MCUB: variants seen among roughly 807,000 people sequenced by gnomAD.
MCUB encodes calcium uniporter regulatory subunit MCUb, mitochondrial.
MCUB carries 46 observed loss-of-function variants against 41.4 expected under a neutral mutation model. The observed-to-expected ratio is 1.11, with a 90% confidence interval of 0.88 to 1.42. The LOEUF is 1.42. Among genes scored for constraint, MCUB ranks in the 40% most tolerant of loss-of-function variants. The pLI, the probability that MCUB is intolerant of heterozygous loss-of-function variation, is 0.00. For missense variants in MCUB, 403 were observed against 404.9 expected (o/e 1.00, Z 0.04); for synonymous variants, 148 against 148.2 (o/e 1.00, Z 0.01).
chr4:109,612,881 C>A (rs549658630), intron 1 of MCUB, among the ~76,000 whole-genome samples: 1 of 152,064 alleles, frequency 6.6e-6, no homozygotes. Context: ...CCAAGGCGGG[C>A]GGATCACAAG....
At position 109,678,479 on chromosome 4, in the gene MCUB, G is replaced by A. The variant is rs536353117; in HGVS notation, c.452-4103G>A. Among the ~76,000 whole-genome samples the A allele has an allele frequency of 1.7e-3, 249 of 146,434 alleles. 1 individual carries two copies. The highest frequency in any genetic ancestry group is 5.4e-3 in the African/African-American group (213 of 39,136). On this transcript the variant is annotated intron_variant, in intron 4 of 7. Transcript: ENST00000394650. Reference sequence around the variant, plus strand: ...ACGCTCCTCACCTCCCAGACGGGGCGGCCGGGCAGAGGCGCTCCCCATTTC... The same window carrying A: ...ACGCTCCTCACCTCCCAGACGGGGCAGCCGGGCAGAGGCGCTCCCCATTTC...
intron 1 of MCUB, among the ~76,000 whole-genome samples, chr4:109,608,298 G>A (rs1238138501): frequency 6.6e-6 from 1 of 151,882 alleles, no homozygotes; most frequent in African/African-American, 2.4e-5. Context: ...CCTTTTCCTT[G>A]TTATTTTAGA....
chr4:109,576,221 T>C (rs1365737287), intron 1 of MCUB, among the ~76,000 whole-genome samples: 1 of 152,240 alleles, frequency 6.6e-6, no homozygotes, highest in Non-Finnish European at 1.5e-5. Context: ...CCTGAGTCCA[T>C]TCCTGAGGCT....
At chr4:109,644,293 C>T (rs538041038) in intron 1 of MCUB, among the ~76,000 whole-genome samples, 18 of 152,204 alleles carry the variant, frequency 1.2e-4, no homozygotes, top group African/African-American at 4.1e-4. Flanking sequence ...ATAAGTCATT[C>T]TGAAAAACTT....
chr4:109,578,994 A>T (rs1727101669), intron 1 of MCUB, among the ~76,000 whole-genome samples: 1 of 152,182 alleles, frequency 6.6e-6, no homozygotes, highest in African/African-American at 2.4e-5. Context: ...TATCCTGTTC[A>T]TTGGAGTCCC....
chr4:109,643,993 G>A (rs2126141000), intron 1 of MCUB, among the ~76,000 whole-genome samples: 1 of 152,034 alleles, frequency 6.6e-6, no homozygotes, highest in East Asian at 1.9e-4. Flanking sequence ...GGGGAGCCTC[G>A]CTGAACCTAT....
chr4:109,597,663 G>A (rs1345353669), intron 1 of MCUB, among the ~76,000 whole-genome samples: 14 of 145,376 alleles, frequency 9.6e-5, no homozygotes, highest in East Asian at 4.3e-4. Flanking sequence ...CTCCCAGACC[G>A]GGCGGCTGGC....
chr4:109,585,622 G>C (rs1035139659), intron 1 of MCUB, among the ~76,000 whole-genome samples: 2 of 152,146 alleles, frequency 1.3e-5, no homozygotes, highest in African/African-American at 4.8e-5. Flanking sequence ...CTTCCTTCAG[G>C]AGCTCTTTCA....
At chr4:109,615,197 T>C (rs1728098160) in intron 1 of MCUB, among the ~76,000 whole-genome samples, 1 of 152,140 alleles carries the variant, frequency 6.6e-6, no homozygotes, top group South Asian at 2.1e-4. Flanking sequence ...AGAGCTTGCG[T>C]ACTCTGTGGA....
At chr4:109,685,574 A>G (rs1554021384) in intron 7 of MCUB, among the ~76,000 whole-genome samples, 1 of 152,222 alleles carries the variant, frequency 6.6e-6, no homozygotes, top group Non-Finnish European at 1.5e-5. Flanking sequence ...AGCTTTAAAT[A>G]TGTGTGTTAA....
chr4:109,659,015 T>G lies in MCUB; in HGVS notation c.104T>G (p.Leu35Trp). Residue 35 changes from leucine to tryptophan, a missense_variant, in exon 2 of 8, where the codon TTG becomes TGG. Coordinates refer to ENST00000394650, the MANE Select transcript of MCUB (RefSeq NM_017918.5). ...PWPLPPPPQVLRVKLCGNVKY... is the reference protein window; with the variant it reads ...PWPLPPPPQVWRVKLCGNVKY... The stretch of plus-strand genomic sequence containing the variant: ...ATTAATTTTTCCTTCTTGTAGGTTT[T>G]GCGTGTGAAGCTGTGTGGAAATGTG... 1.3e-6 allele frequency: 2 copies of G among 1,528,858 alleles called. No individual in the cohort carries two copies. The highest frequency in any genetic ancestry group is 1.8e-6 in the Non-Finnish European group (2 of 1,126,278). The allele number at this position is 1,528,858 out of a possible 1,614,324, so 94.7% of individuals were successfully genotyped here. A position where few individuals can be genotyped will look rare whatever the true frequency, so the allele number is the denominator to read the frequency against.
At chr4:109,658,331 C>T (rs60182255) in intron 1 of MCUB, among the ~76,000 whole-genome samples, 5,570 of 151,228 alleles carry the variant, frequency 0.037, 363 homozygotes, top group African/African-American at 0.13. Context: ...GAGTTTTGCT[C>T]TTGTTACCCA....
intron 1 of MCUB, among the ~76,000 whole-genome samples, chr4:109,612,082 G>A (rs912335585): frequency 9.2e-5 from 14 of 152,138 alleles, no homozygotes; most frequent in Admixed American, 4.6e-4. Flanking sequence ...TAGATGGGGT[G>A]GCTTATAAAG....
intron 1 of MCUB, chr4:109,648,574 G>T (rs189450456): frequency 1.9e-5 from 8 of 430,804 alleles, no homozygotes; most frequent in Non-Finnish European, 3.6e-5. Flanking sequence ...TAGTACCTGA[G>T]ACTGAAATAT....
intron 1 of MCUB, among the ~76,000 whole-genome samples, chr4:109,598,166 A>G (rs995674051): frequency 4.0e-5 from 6 of 148,370 alleles, no homozygotes; most frequent in Non-Finnish European, 7.5e-5. Context: ...AGCCAGGCAG[A>G]GACGCTCCTC....
chr4:109,646,571 T>G (rs1489869072), intron 1 of MCUB, among the ~76,000 whole-genome samples: 1 of 152,198 alleles, frequency 6.6e-6, no homozygotes, highest in Non-Finnish European at 1.5e-5. Flanking sequence ...ACTCCATTCA[T>G]CTACTTAAAA....
chr4:109,581,167 G>C (rs1008041646), intron 1 of MCUB, among the ~76,000 whole-genome samples: 4 of 152,152 alleles, frequency 2.6e-5, no homozygotes, highest in Non-Finnish European at 5.9e-5. Flanking sequence ...GCATGGTACT[G>C]GTACCAAAAC....
In MCUB at chr4:109,660,199, A is replaced by G. The variant is rs1455932076; in HGVS notation, c.180A>G (p.Ile60Met). 1 of 1,475,684 alleles carries G rather than the reference A, an allele frequency of 6.8e-7. No homozygotes were observed. Among genetic ancestry groups the G allele is most frequent in the Non-Finnish European group, 9.2e-7 (1 of 1,089,362 alleles). 91.4% of individuals were successfully genotyped at this position (1,475,684 alleles called of 1,614,324 possible). The change falls in exon 3 of 8, where the codon ATA (isoleucine) becomes ATG (methionine). Residue 60 changes from isoleucine to methionine, a missense_variant. Ile to Met is a conservative substitution (Grantham distance 10). Transcript: ENST00000394650. Reference sequence around the variant, plus strand: ...TTTTCTTTTTTTCCTTAACAGAAATAACAGTTATTTATAGACATGGCCTTC... The same window carrying G: ...TTTTCTTTTTTTCCTTAACAGAAATGACAGTTATTTATAGACATGGCCTTC... ...HYSTVVPPDE[I>M]TVIYRHGLPL...
chr4:109,604,609 G>A (rs572385590), intron 1 of MCUB, among the ~76,000 whole-genome samples: 1 of 152,252 alleles, frequency 6.6e-6, no homozygotes, highest in East Asian at 1.9e-4. Context: ...TCCAGGAAAG[G>A]CTTTCAGTTT....
Sources: allele counts gnomAD v4.1 joint callset (sites outside exome capture counted in the v4.1 genomes callset), GRCh38; gene constraint gnomAD v4.1.1; transcripts MANE v1.5; gene names NCBI Gene and HGNC (gene_info 2026-07-23, HGNC 2026-07-21).